Variants in DOCK9 observed in about 807,000 individuals in gnomAD.
DOCK9 encodes dedicator of cytokinesis 9.
A neutral mutation model predicts 263.3 loss-of-function variants in DOCK9; 89 were observed. The ratio of observed to expected loss-of-function variants is 0.34; its 90% confidence interval spans 0.28 to 0.40. The LOEUF (loss-of-function observed/expected upper bound fraction) is 0.40, where lower values mean the gene tolerates loss of function less well. DOCK9 is among the 10% of genes least tolerant of loss of function. The pLI, the probability that DOCK9 is intolerant of heterozygous loss-of-function variation, is 1.00. For synonymous variants in DOCK9, 976 were observed against 973.1 expected, an observed-to-expected ratio of 1.00 and a Z score of -0.06; for missense variants, 2,140 against 2,603.4, an observed-to-expected ratio of 0.82 and a Z score of 3.87.
At chr13:99,064,748 A>G (rs1270474898) in intron 1 of DOCK9, among the ~76,000 whole-genome samples, 2 of 152,336 alleles carry the variant, frequency 1.3e-5, no homozygotes, top group African/African-American at 4.8e-5. Context: ...ACAGTGGTGG[A>G]GAAGACAGCT....
intron 1 of DOCK9, among the ~76,000 whole-genome samples, chr13:98,972,609 T>C (rs2059849939): frequency 6.6e-6 from 1 of 152,166 alleles, no homozygotes; most frequent in African/African-American, 2.4e-5. Context: ...AAAATAGGTG[T>C]GCAGCAGCAG....
chr13:98,865,795 G>A (rs1002721149), intron 30 of DOCK9, among the ~76,000 whole-genome samples: 9 of 152,162 alleles, frequency 5.9e-5, no homozygotes, highest in Non-Finnish European at 1.3e-4. Context: ...AATTCCAGTT[G>A]AGGAAGTGGA....
intron 1 of DOCK9, among the ~76,000 whole-genome samples, chr13:98,995,075 CT>C (rs1342772860): frequency 6.6e-6 from 1 of 152,158 alleles, no homozygotes; most frequent in Non-Finnish European, 1.5e-5. Context: ...GTGAATTGTG[CT>C]GTTAGAAGTG....
intron 2 of DOCK9, among the ~76,000 whole-genome samples, chr13:98,946,156 C>T (rs1372830093): frequency 6.6e-6 from 1 of 152,116 alleles, no homozygotes; most frequent in Non-Finnish European, 1.5e-5. Context: ...GACCCTTGGG[C>T]CACTGTAAGG....
At chr13:99,059,048 C>T (rs926635450) in intron 1 of DOCK9, among the ~76,000 whole-genome samples, 7 of 152,202 alleles carry the variant, frequency 4.6e-5, no homozygotes, top group Non-Finnish European at 7.3e-5. Flanking sequence ...GTCCTCTCTC[C>T]ACTACCCGTC....
At chr13:98,953,199 T>C (rs991010481) in intron 2 of DOCK9, among the ~76,000 whole-genome samples, 1 of 152,168 alleles carries the variant, frequency 6.6e-6, no homozygotes, top group African/African-American at 2.4e-5. Context: ...CTGGGGCCCA[T>C]CACAATTCCT....
At chr13:98,868,922 A>G (rs189404797) in intron 27 of DOCK9, among the ~76,000 whole-genome samples, 8 of 152,236 alleles carry the variant, frequency 5.3e-5, no homozygotes, top group Non-Finnish European at 1.2e-4. Flanking sequence ...TCACCTAAAA[A>G]GTGTTTGTAA....
chr13:98,900,817 G>A (rs1454190136), intron 13 of DOCK9, among the ~76,000 whole-genome samples: 1 of 152,160 alleles, frequency 6.6e-6, no homozygotes, highest in Admixed American at 6.5e-5. Flanking sequence ...ATTTCTCAAT[G>A]GCCATCGTGC....
At chr13:99,013,640 G>A (rs2141957376) in intron 1 of DOCK9, among the ~76,000 whole-genome samples, 1 of 152,276 alleles carries the variant, frequency 6.6e-6, no homozygotes, top group East Asian at 1.9e-4. Context: ...AATGAATGGT[G>A]CAATCCCTGG....
At chr13:98,855,362 A>G (rs553387537) in intron 34 of DOCK9, among the ~76,000 whole-genome samples, 85 of 152,304 alleles carry the variant, frequency 5.6e-4, no homozygotes, top group African/African-American at 1.8e-3. Context: ...TGACGAGGTC[A>G]GGAGTTTGAG....
intron 1 of DOCK9, among the ~76,000 whole-genome samples, chr13:99,022,847 C>A (rs901279976): frequency 2.0e-5 from 3 of 152,108 alleles, no homozygotes; most frequent in African/African-American, 7.2e-5. Context: ...ACTTAGGAGG[C>A]TGAGGCGAGA....
intron 7 of DOCK9, among the ~76,000 whole-genome samples, chr13:98,918,929 G>A (rs1328094349): frequency 6.6e-6 from 1 of 152,128 alleles, no homozygotes; most frequent in Non-Finnish European, 1.5e-5. Context: ...CCAAAGGAGG[G>A]TGCCAGGAGC....
At chr13:98,909,971 G>A (rs942762977) in intron 9 of DOCK9, among the ~76,000 whole-genome samples, 3 of 152,210 alleles carry the variant, frequency 2.0e-5, no homozygotes, top group African/African-American at 7.2e-5. Flanking sequence ...AAGGATGTGA[G>A]CAATTCCGGA....
chr13:99,012,716 A>G (rs1443706995), intron 1 of DOCK9, among the ~76,000 whole-genome samples: 7 of 152,148 alleles, frequency 4.6e-5, no homozygotes, highest in Admixed American at 3.9e-4. Flanking sequence ...ACAATATCCA[A>G]TTGTCAGTCA....
chr13:98,821,421 C>T (rs1385709713), intron 45 of DOCK9, among the ~76,000 whole-genome samples: 1 of 152,194 alleles, frequency 6.6e-6, no homozygotes, highest in Non-Finnish European at 1.5e-5. Flanking sequence ...TGCTGCTAAC[C>T]TCGGGGCACT....
At chr13:99,079,138 T>G (rs577861116) in intron 1 of DOCK9, among the ~76,000 whole-genome samples, 2 of 152,058 alleles carry the variant, frequency 1.3e-5, no homozygotes, top group Non-Finnish European at 2.9e-5. Flanking sequence ...GGCCGTGGAG[T>G]TGCAGAATGG....
In DOCK9 at chr13:98,824,503, G is replaced by A. The variant is rs767247465; in HGVS notation, c.5025C>T (p.Gly1675=). 16 of 1,613,250 alleles carry A rather than the reference G, an allele frequency of 9.9e-6. No homozygotes were observed. Among genetic ancestry groups the A allele is most frequent in the South Asian group, 3.3e-5 (3 of 91,056 alleles). Reference sequence around the variant, plus strand: ...AGGCGGTGCATCCTTGTCTAAACACGCCTAGGAAGAGAGGAAGGAGGGACA... The same window carrying A: ...AGGCGGTGCATCCTTGTCTAAACACACCTAGGAAGAGAGGAAGGAGGGACA... ...ALVAEYLTRK[G]VFRQGCTAFR... Residue 1675 remains glycine (G), a splice_region_variant and synonymous_variant, in exon 45 of 53, where the codon GGC becomes GGT. Coordinates refer to ENST00000682017, the MANE Select transcript of DOCK9 (RefSeq NM_001366683.2).
At position 98,888,146 on chromosome 13, in the gene DOCK9, A is replaced by G. The variant is rs751914266; in HGVS notation, c.2043+12T>C. ...GAATTCGTAGGTGAACATATATTAA[A>G]AAAAAACAAACCTTAAGGGGCTGAG... On this transcript the variant is annotated intron_variant, in intron 18 of 52. Transcript: ENST00000682017. 3.8e-6 allele frequency: 6 copies of G among 1,574,206 alleles called. No homozygotes were observed. Among genetic ancestry groups the G allele is most frequent in the Non-Finnish European group, 5.2e-6 (6 of 1,163,156 alleles).
intron 1 of DOCK9, among the ~76,000 whole-genome samples, chr13:99,043,752 C>T (rs1216734712): frequency 2.1e-4 from 32 of 152,088 alleles, no homozygotes; most frequent in Admixed American, 1.9e-3. Flanking sequence ...ACTCCTTTAC[C>T]CTGCCTCATC....
Sources: gnomAD v4.1 joint callset for allele counts (sites outside exome capture counted in the v4.1 genomes callset) on GRCh38, gnomAD v4.1.1 for gene constraint, MANE v1.5 for transcripts, NCBI Gene and HGNC (gene_info 2026-07-23, HGNC 2026-07-21) for gene names.